MED31: variants seen among roughly 807,000 people sequenced by gnomAD.
MED31 encodes the protein mediator complex subunit 31, also known as mediator of RNA polymerase II transcription subunit 31.
Under a neutral mutation model 22.0 loss-of-function variants are expected in MED31, and 11 were observed. The observed-to-expected ratio is 0.50, with a 90% CI of 0.31 to 0.83. MED31 has a LOEUF of 0.83. MED31 is among the 40% of genes least tolerant of loss of function. The pLI is 0.04. For missense variants in MED31, 122 were observed against 155.3 expected (o/e 0.79, Z 1.14); for synonymous variants, 60 against 55.1 (o/e 1.09, Z -0.40).
rs1207988967 is a variant in MED31 at position 6,643,377 on chromosome 17, T to G, written c.*1090A>C. The G allele has an allele frequency of 5.6e-6, 1 of 179,568 alleles. No homozygotes were observed. The highest frequency in any genetic ancestry group is 1.2e-5 in the Non-Finnish European group (1 of 85,496). 11.1% of individuals were successfully genotyped at this position (179,568 alleles called of 1,614,324 possible). A position where few individuals can be genotyped will look rare whatever the true frequency, so the allele number is the denominator to read the frequency against. On this transcript the variant is annotated 3_prime_UTR_variant, in exon 4 of 4. Coordinates refer to ENST00000225728, the MANE Select transcript of MED31 (RefSeq NM_016060.3). ...TCTGCAAAGCAACTGATGATATTCC[T>G]GAAACCCCTTCTTTGATTTTGGAAT... is the stretch of plus-strand genomic sequence containing the variant.
At chr17:6,647,161 G>A (rs568186606) in intron 3 of MED31, among the ~76,000 whole-genome samples, 6 of 152,076 alleles carry the variant, frequency 3.9e-5, no homozygotes, top group African/African-American at 9.7e-5. Flanking sequence ...CACTCGCCTC[G>A]CCAAGACAGT....
At chr17:6,649,590 A>G (rs1373128884) in intron 3 of MED31, among the ~76,000 whole-genome samples, 2 of 152,238 alleles carry the variant, frequency 1.3e-5, no homozygotes, top group Admixed American at 1.3e-4. Context: ...AGGTCAGAAA[A>G]GGCAGGGCCA....
Position 6,651,467 on chromosome 17 carries a change from T to C in MED31, c.28+34A>G. ...GAGGTCTGGGTCAAGGAGAGTTCCA[T>C]CTGCGAAGACTCCAAGATCAGAGAG... On this transcript the variant is annotated intron_variant, in intron 1 of 3. Transcript: ENST00000225728. The C allele has an allele frequency of 1.9e-6, 3 of 1,613,960 alleles. No individual in the cohort carries two copies. In the South Asian group the frequency reaches 3.3e-5, roughly 18 times the overall value.
At position 6,644,479 on chromosome 17, in the gene MED31, T is replaced by C. The variant is rs750533570; in HGVS notation, c.384A>G (p.Thr128=). The change falls in exon 4 of 4, where the codon ACA becomes ACG. Residue 128 remains threonine, a synonymous_variant. Coordinates refer to ENST00000225728, the MANE Select transcript of MED31 (RefSeq NM_016060.3). ...TGTATCCAGTTTTTCATTTTCCCGA[T>C]GTGTTATTTTGCTGTTGCTGCTCTG... ...ALAEQQQQNN[T]SGK The C allele has an allele frequency of 6.3e-6, 10 of 1,598,676 alleles. No individual in the cohort carries two copies. The highest frequency in any genetic ancestry group is 3.3e-4 in the Middle Eastern group (2 of 6,020).
rs1452876129 is a variant in MED31 at position 6,650,366 on chromosome 17, A to AT, written c.95dup (p.Asn32LysfsTer4). On this transcript the variant is annotated frameshift_variant, in exon 2 of 4. Coordinates refer to ENST00000225728, the MANE Select transcript of MED31 (RefSeq NM_016060.3). LOFTEE classifies it high-confidence loss of function. ...TGCTTAACAACTTACAATTAAGGTA[A>AT]TTTGGGTTGGCTAAACATTGCACAA... The AT allele has an allele frequency of 1.2e-6, 2 of 1,613,954 alleles. No individual in the cohort carries two copies. Among genetic ancestry groups the AT allele is most frequent in the Non-Finnish European group, 1.7e-6 (2 of 1,179,910 alleles).
At chr17:6,649,632 A>C (rs567209616) in intron 3 of MED31, among the ~76,000 whole-genome samples, 177 of 152,360 alleles carry the variant, frequency 1.2e-3, no homozygotes, top group Non-Finnish European at 1.8e-3. Flanking sequence ...AAGAAAAAAG[A>C]CTGGATTTTA....
At position 6,644,680 on chromosome 17, in the gene MED31, G is replaced by A. The variant is rs1240695098; in HGVS notation, c.204-21C>T. On this transcript the variant is annotated intron_variant, in intron 3 of 3. Coordinates refer to ENST00000225728, the MANE Select transcript of MED31 (RefSeq NM_016060.3). ...GGTACCTGGGTTTAAGTTTGTAAGT[G>A]AATGAACAACATAATTTAGGTAAAT... is the stretch of plus-strand genomic sequence containing the variant. 4 of 1,536,746 alleles carry A rather than the reference G, an allele frequency of 2.6e-6. No homozygotes were observed. The East Asian group carries it at 9.3e-5, about 36-fold the overall frequency.
intron 1 of MED31, 148 bp downstream of exon 1, chr17:6,651,353 G>A (rs1972832998): frequency 2.7e-6 from 3 of 1,098,116 alleles, no homozygotes; most frequent in Non-Finnish European, 3.9e-6. Flanking sequence ...GAGTACCTTA[G>A]TCTTTCTAGA....
rs1447548175 is a variant in MED31 at position 6,644,393 on chromosome 17, A to AT, written c.*73dup. 3.0e-5 allele frequency: 44 copies of AT among 1,449,870 alleles called. No homozygotes were observed. The highest frequency in any genetic ancestry group is 1.9e-4 in the South Asian group (12 of 62,932). The allele number at this position is 1,449,870 out of a possible 1,614,324, so 89.8% of individuals were successfully genotyped here. ...ATAAAGGTAGATAGGAAGAGTTTTC[A>AT]TTTTTTTTGTCTTCACTGTACAAAA... On this transcript the variant is annotated 3_prime_UTR_variant, in exon 4 of 4. Transcript: ENST00000225728.
Position 6,643,654 on chromosome 17 carries a change from CTG to C in MED31, c.*811_*812del, listed in dbSNP as rs1177882439. The C allele has an allele frequency of 6.5e-6, 1 of 153,528 alleles. No individual in the cohort carries two copies. Among genetic ancestry groups the C allele is most frequent in the Non-Finnish European group, 1.4e-5 (1 of 68,966 alleles). The allele number at this position is 153,528 out of a possible 1,614,324, so 9.5% of individuals were successfully genotyped here. ...TCACACTGACTCTACCACTTACTAGCTGTGTAACCACAGGCAAGTTACTCACC... is the reference window on the plus strand; with the variant it reads ...TCACACTGACTCTACCACTTACTAGCTGTAACCACAGGCAAGTTACTCACC... On this transcript the variant is annotated 3_prime_UTR_variant, in exon 4 of 4. Coordinates refer to ENST00000225728, the MANE Select transcript of MED31 (RefSeq NM_016060.3).
intron 3 of MED31, among the ~76,000 whole-genome samples, chr17:6,644,987 TTTTAG>T (rs1425562882): frequency 6.6e-6 from 1 of 152,226 alleles, no homozygotes; most frequent in Non-Finnish European, 1.5e-5. Flanking sequence ...CATGAACATA[TTTTAG>T]TAATTATGTG....
intron 1 of MED31, among the ~76,000 whole-genome samples, chr17:6,650,850 G>A (rs1349380612): frequency 6.6e-6 from 1 of 152,148 alleles, no homozygotes; most frequent in Non-Finnish European, 1.5e-5. Context: ...TAGGATGCAA[G>A]AGACTGCGGA....
chr17:6,651,237 T>C, intron 1 of MED31: 1 of 426,858 alleles, frequency 2.3e-6, no homozygotes, highest in African/African-American at 2.0e-5. Context: ...AGGACACGGT[T>C]TAACACACAA....
At chr17:6,645,438 G>C (rs900990506) in intron 3 of MED31, among the ~76,000 whole-genome samples, 1 of 152,190 alleles carries the variant, frequency 6.6e-6, no homozygotes, top group African/African-American at 2.4e-5. Context: ...TGACCAGACT[G>C]TGGTTTCCAA....
chr17:6,647,861 G>A (rs575368462), intron 3 of MED31, among the ~76,000 whole-genome samples: 2 of 152,316 alleles, frequency 1.3e-5, no homozygotes, highest in East Asian at 3.9e-4. Flanking sequence ...ATGGTCTCAA[G>A]TAGCATTTAG....
intron 1 of MED31, among the ~76,000 whole-genome samples, chr17:6,651,161 C>T (rs1972830963): frequency 7.5e-6 from 1 of 133,964 alleles, no homozygotes. Context: ...CAGAATGATA[C>T]ACAAGTCTGG....
chr17:6,650,153 G>C, intron 2 of MED31, 75 bp from the exon 3 acceptor site: 1 of 1,423,326 alleles, frequency 7.0e-7, no homozygotes, highest in Non-Finnish European at 9.6e-7. Context: ...CTAATATAAA[G>C]GATCTATTTA....
chr17:6,648,082 TG>T (rs1377875738), intron 3 of MED31, among the ~76,000 whole-genome samples: 1 of 152,232 alleles, frequency 6.6e-6, no homozygotes, highest in Non-Finnish European at 1.5e-5. Flanking sequence ...GTTGACATAA[TG>T]CTTCCAGCAA....
rs550061023 is a variant in MED31, at chr17:6,643,810, A to C, written c.*657T>G. ...TCAATGGTAGCTTTCCCAAATGAAC[A>C]CAAGTATTTGAGGCTCCTCATGTTT... On this transcript the variant is annotated 3_prime_UTR_variant, in exon 4 of 4. Transcript: ENST00000225728. The C allele has an allele frequency of 1.8e-4, 53 of 290,142 alleles. No homozygotes were observed. The highest frequency in any genetic ancestry group is 2.9e-4 in the Non-Finnish European group (46 of 157,702). The allele number at this position is 290,142 out of a possible 1,614,324, so 18.0% of individuals were successfully genotyped here.
Sources: allele counts gnomAD v4.1 joint callset (sites outside exome capture counted in the v4.1 genomes callset), GRCh38; gene constraint gnomAD v4.1.1; transcripts MANE v1.5; gene names NCBI Gene and HGNC (gene_info 2026-07-23, HGNC 2026-07-21).